The following CDH23 variants were observed in gnomAD, a reference collection of about 807,000 sequenced individuals.
CDH23 encodes cadherin-23.
In CDH23, 189 loss-of-function variants were observed where a neutral mutation model predicts 317.1. That is an observed-to-expected ratio of 0.60 (90% CI 0.53 to 0.67). The LOEUF (loss-of-function observed/expected upper bound fraction) is 0.67, where lower values mean the gene tolerates loss of function less well. CDH23 is among the 30% of genes least tolerant of loss of function. The pLI is 0.00. For synonymous variants in CDH23, 1,839 were observed against 1,876.8 expected (o/e 0.98, Z 0.52); for missense variants, 4,401 against 4,592.4 (o/e 0.96, Z 1.20).
chr10:71,561,801 G>A (rs1485397137), intron 6 of CDH23, among the ~76,000 whole-genome samples: 2 of 151,830 alleles, frequency 1.3e-5, no homozygotes, highest in Non-Finnish European at 2.9e-5. Context: ...GACTTCCTTT[G>A]AAATGGCCCA....
chr10:71,429,816 G>T (rs1470510334), intron 1 of CDH23, among the ~76,000 whole-genome samples: 3 of 152,198 alleles, frequency 2.0e-5, no homozygotes, highest in Non-Finnish European at 2.9e-5. Context: ...TGGGCAAATG[G>T]CTGTATGAGA....
intron 6 of CDH23, among the ~76,000 whole-genome samples, chr10:71,512,850 G>A (rs1854072279): frequency 6.6e-6 from 1 of 152,206 alleles, no homozygotes; most frequent in Non-Finnish European, 1.5e-5. Flanking sequence ...AATGTCTGCT[G>A]TGGGCTTGGC....
chr10:71,535,199 G>A (rs944646792), intron 6 of CDH23, among the ~76,000 whole-genome samples: 14 of 152,240 alleles, frequency 9.2e-5, no homozygotes, highest in African/African-American at 2.4e-4. Context: ...GGTTGGGAGC[G>A]GGTGGATGGT....
At chr10:71,689,137 C>T (rs1312404) in intron 19 of CDH23, among the ~76,000 whole-genome samples, 384 of 11,552 alleles carry the variant, frequency 0.033, 4 homozygotes, top group Non-Finnish European at 0.046. Context: ...GGTGGTGGAG[C>T]CAGGGGTGGT....
chr10:71,403,408 T>TTTCTCTTC (rs1320188460), intron 1 of CDH23, among the ~76,000 whole-genome samples: 10 of 57,106 alleles, frequency 1.8e-4, no homozygotes, highest in East Asian at 5.6e-4. Context: ...TCTTTCTTTC[T>TTTCTCTTC]CTTCCTTCCT....
intron 38 of CDH23, among the ~76,000 whole-genome samples, chr10:71,742,416 G>C (rs1306626201): frequency 6.6e-6 from 1 of 152,212 alleles, no homozygotes; most frequent in Admixed American, 6.5e-5. Context: ...TCGTGTCTGT[G>C]GTTCACACTA....
At chr10:71,667,296 C>T (rs1863942665) in intron 14 of CDH23, among the ~76,000 whole-genome samples, 1 of 151,048 alleles carries the variant, frequency 6.6e-6, no homozygotes, top group African/African-American at 2.4e-5. Flanking sequence ...GAGGAGACCA[C>T]AGGGGCTGAG....
intron 3 of CDH23, among the ~76,000 whole-genome samples, chr10:71,468,571 T>C (rs1049154591): frequency 6.6e-6 from 1 of 152,226 alleles, no homozygotes; most frequent in South Asian, 2.1e-4. Context: ...ATGGCCAGGC[T>C]GCACTTGCCC....
intron 1 of CDH23, among the ~76,000 whole-genome samples, chr10:71,412,527 G>T (rs573440115): frequency 6.6e-6 from 1 of 152,266 alleles, no homozygotes; most frequent in African/African-American, 2.4e-5. Flanking sequence ...AGGCTGGAGT[G>T]CAGTGGCTAC....
At chr10:71,743,644 C>T (rs1253062623) in intron 38 of CDH23, among the ~76,000 whole-genome samples, 1 of 152,104 alleles carries the variant, frequency 6.6e-6, no homozygotes, top group Non-Finnish European at 1.5e-5. Context: ...CAGGGTGGGG[C>T]TGGGGCAGAG....
chr10:71,711,396 C>A (rs1354634864), intron 27 of CDH23, among the ~76,000 whole-genome samples: 2 of 152,258 alleles, frequency 1.3e-5, no homozygotes, highest in East Asian at 3.9e-4. Context: ...AGAAGGATGG[C>A]GTCACCCTAG....
chr10:71,788,917 G>A (rs779064543), intron 44 of CDH23, 23 bp from the exon 45 acceptor site: 6 of 1,243,502 alleles, frequency 4.8e-6, no homozygotes, highest in Admixed American at 1.7e-5. Flanking sequence ...GGCCTACAAC[G>A]TGCCCCATTC....
chr10:71,670,370 A>G (rs1004458799), intron 14 of CDH23, among the ~76,000 whole-genome samples: 1 of 152,226 alleles, frequency 6.6e-6, no homozygotes, highest in African/African-American at 2.4e-5. Flanking sequence ...GGGGTACTAC[A>G]TACGATGCAA....
intron 38 of CDH23, chr10:71,752,914 G>T (rs1465400972): frequency 6.3e-7 from 1 of 1,586,144 alleles, no homozygotes; most frequent in Admixed American, 1.7e-5. Context: ...CTGCACAGAA[G>T]TATCTCTTCC....
intron 6 of CDH23, among the ~76,000 whole-genome samples, chr10:71,533,641 A>G (rs1004411926): frequency 1.3e-5 from 2 of 151,790 alleles, no homozygotes; most frequent in African/African-American, 4.8e-5. Flanking sequence ...GATTAGAGCT[A>G]TGTGACACAG....
chr10:71,702,482 T>C (rs1420325289), intron 23 of CDH23, 67 bp from the exon 24 acceptor site: 1 of 1,594,142 alleles, frequency 6.3e-7, no homozygotes, highest in East Asian at 2.2e-5. Context: ...CTTGCCTTCT[T>C]CCTGTCCGTT....
intron 3 of CDH23, among the ~76,000 whole-genome samples, chr10:71,489,457 C>T (rs549769479): frequency 6.6e-6 from 1 of 152,292 alleles, no homozygotes; most frequent in Admixed American, 6.5e-5. Flanking sequence ...CTGGTATTTG[C>T]AAGCCTCTCT....
chr10:71,687,661 C>T lies in CDH23; in HGVS notation c.2001C>T (p.Asn667=), dbSNP rs748472893. The change falls in exon 19 of 70, where the codon AAC becomes AAT. Residue 667 remains asparagine (N), a synonymous_variant. Transcript: ENST00000224721. The part of the protein sequence containing the change: ...VTIEVFDEND[N]PPTFSKPAYF... ...GTTCCTTCCAGGATGAGAATGACAA[C>T]CCTCCCACCTTCAGCAAGCCCGCCT... 15 of 1,613,802 alleles carry T rather than the reference C, an allele frequency of 9.3e-6. No homozygotes were observed. The Admixed American group carries it at 2.3e-4, about 25-fold the overall frequency.
At chr10:71,485,785 C>G (rs557292751) in intron 3 of CDH23, among the ~76,000 whole-genome samples, 1 of 152,322 alleles carries the variant, frequency 6.6e-6, no homozygotes, top group African/African-American at 2.4e-5. Flanking sequence ...GTCCCTTACT[C>G]CAGATGGGTG....
Sources: gnomAD v4.1 joint callset for allele counts (sites outside exome capture counted in the v4.1 genomes callset) on GRCh38, gnomAD v4.1.1 for gene constraint, MANE v1.5 for transcripts, NCBI Gene and HGNC (gene_info 2026-07-23, HGNC 2026-07-21) for gene names.